The following CALCRL variants were observed in gnomAD, a reference collection of about 807,000 sequenced individuals.
CALCRL encodes calcitonin gene-related peptide type 1 receptor.
A neutral mutation model predicts 60.4 loss-of-function variants in CALCRL; 27 were observed. The observed-to-expected ratio is 0.45, with a 90% confidence interval of 0.33 to 0.62. The LOEUF is 0.62. Among genes scored for constraint, CALCRL ranks in the 20% least tolerant of loss-of-function variants. The pLI is 0.03. For missense variants in CALCRL, 424 were observed against 540.7 expected (o/e 0.78, Z 2.14); for synonymous variants, 190 against 182.6 (o/e 1.04, Z -0.33).
intron 1 of CALCRL, among the ~76,000 whole-genome samples, chr2:187,392,749 G>A (rs1371466328): frequency 1.3e-5 from 2 of 152,132 alleles, no homozygotes; most frequent in East Asian, 3.9e-4. Flanking sequence ...CTCTGCCCCA[G>A]CTGAAGTGCA....
chr2:187,418,202 C>A (rs1689703348), intron 1 of CALCRL, among the ~76,000 whole-genome samples: 1 of 151,954 alleles, frequency 6.6e-6, no homozygotes, highest in African/African-American at 2.4e-5. Context: ...GAATTCTGGT[C>A]ATTAAAAGAA....
rs139432026 is a variant in CALCRL at position 187,378,931 on chromosome 2, T to C, written c.500+9A>G. The C allele has an allele frequency of 2.1e-4, 321 of 1,536,390 alleles. 3 individuals are homozygous for C. In the East Asian group the frequency reaches 6.9e-3, roughly 33 times the overall value. ...AGTAATTTTCTTAAAATATTTTAAA[T>C]TTACTTACTTGAAATAAAAGAATAT... On this transcript the variant is annotated intron_variant, in intron 8 of 14. Coordinates refer to ENST00000392370, the MANE Select transcript of CALCRL (RefSeq NM_005795.6).
intron 12 of CALCRL, among the ~76,000 whole-genome samples, chr2:187,355,000 A>G (rs760975126): frequency 1.3e-5 from 2 of 152,070 alleles, no homozygotes; most frequent in Non-Finnish European, 2.9e-5. Context: ...AGCTCTCCTC[A>G]GAGTAGAAGC....
At chr2:187,377,504 A>G (rs1687807621) in intron 8 of CALCRL, among the ~76,000 whole-genome samples, 1 of 152,150 alleles carries the variant, frequency 6.6e-6, no homozygotes, top group Non-Finnish European at 1.5e-5. Context: ...GGAGGTAGAT[A>G]ATATGAATTT....
At chr2:187,417,179 A>T (rs6708963) in intron 1 of CALCRL, among the ~76,000 whole-genome samples, 2,842 of 152,188 alleles carry the variant, frequency 0.019, 91 homozygotes, top group African/African-American at 0.064. Flanking sequence ...GTTTTTCAAA[A>T]CTAATATATA....
chr2:187,434,055 T>C (rs1574322957), intron 1 of CALCRL, among the ~76,000 whole-genome samples: 1 of 152,114 alleles, frequency 6.6e-6, no homozygotes, highest in Admixed American at 6.5e-5. Context: ...AATTATTCAT[T>C]TTCTTCCTCT....
At chr2:187,444,428 GTGTA>G (rs2105915390) in intron 1 of CALCRL, among the ~76,000 whole-genome samples, 1 of 151,538 alleles carries the variant, frequency 6.6e-6, no homozygotes, top group East Asian at 1.9e-4. Flanking sequence ...AATGGAAAAG[GTGTA>G]TAACACATTT....
At chr2:187,446,835 T>C (rs1211779923) in intron 1 of CALCRL, among the ~76,000 whole-genome samples, 1 of 151,910 alleles carries the variant, frequency 6.6e-6, no homozygotes, top group Non-Finnish European at 1.5e-5. Flanking sequence ...AAAATTGAGT[T>C]GTAAATTACT....
chr2:187,356,871 A>G (rs1399585839), intron 12 of CALCRL, among the ~76,000 whole-genome samples: 1 of 152,242 alleles, frequency 6.6e-6, no homozygotes, highest in Non-Finnish European at 1.5e-5. Context: ...TCAAAAGAAG[A>G]CATTTATGCA....
At chr2:187,447,595 A>C (rs1407892796) in intron 1 of CALCRL, among the ~76,000 whole-genome samples, 1 of 152,122 alleles carries the variant, frequency 6.6e-6, no homozygotes, top group Non-Finnish European at 1.5e-5. Flanking sequence ...CCACAGAGTA[A>C]GTGAGACTCC....
chr2:187,415,340 A>G (rs896271676), intron 1 of CALCRL, among the ~76,000 whole-genome samples: 1 of 152,214 alleles, frequency 6.6e-6, no homozygotes, highest in African/African-American at 2.4e-5. Flanking sequence ...AGCCAAGGCA[A>G]TTCACAAAAT....
chr2:187,352,067 T>C, intron 13 of CALCRL, 47 bp downstream of exon 13: 1 of 1,573,952 alleles, frequency 6.4e-7, no homozygotes, highest in Non-Finnish European at 8.7e-7. Flanking sequence ...TATATGTATA[T>C]TTAATTCCAA....
chr2:187,409,906 A>G (rs1689284262), intron 1 of CALCRL, among the ~76,000 whole-genome samples: 1 of 152,168 alleles, frequency 6.6e-6, no homozygotes, highest in Non-Finnish European at 1.5e-5. Context: ...AAAGGAATGG[A>G]GGGCAGAAGG....
chr2:187,381,543 C>T (rs951065681), intron 5 of CALCRL, among the ~76,000 whole-genome samples: 4 of 150,708 alleles, frequency 2.7e-5, no homozygotes, highest in African/African-American at 9.8e-5. Context: ...GCAACCTCCA[C>T]CTCCCAGGTT....
At chr2:187,380,176 T>G (rs1256872210) in intron 7 of CALCRL, among the ~76,000 whole-genome samples, 1 of 152,204 alleles carries the variant, frequency 6.6e-6, no homozygotes, top group Admixed American at 6.5e-5. Context: ...GATTTTCCTT[T>G]TCTTACACTT....
At chr2:187,419,023 A>ATTT (rs33929530) in intron 1 of CALCRL, among the ~76,000 whole-genome samples, 10 of 85,996 alleles carry the variant, frequency 1.2e-4, no homozygotes, top group African/African-American at 4.3e-4. Flanking sequence ...CGTCTGGCTA[A>ATTT]TTTTTTTTTT....
chr2:187,390,604 T>G (rs898543198), intron 1 of CALCRL, among the ~76,000 whole-genome samples: 1 of 152,160 alleles, frequency 6.6e-6, no homozygotes, highest in Non-Finnish European at 1.5e-5. Context: ...TATCTCTTAG[T>G]GGTAACTAAA....
In CALCRL at chr2:187,342,224, A is replaced by G. The variant is rs1344160259; in HGVS notation, c.*3960T>C. 6.6e-6 allele frequency among the ~76,000 whole-genome samples: 1 copy of G among 151,806 alleles called. No homozygotes were observed. Among genetic ancestry groups the G allele is most frequent in the Non-Finnish European group, 1.5e-5 (1 of 67,750 alleles). ...GACAGAATGTAAATTAGTGATGTTT[A>G]TAGCTGAAATGAAAGTAGAGATAGA... is the stretch of plus-strand genomic sequence containing the variant. On this transcript the variant is annotated 3_prime_UTR_variant, in exon 15 of 15. Coordinates refer to ENST00000392370, the MANE Select transcript of CALCRL (RefSeq NM_005795.6).
At chr2:187,397,163 T>G (rs1398062) in intron 1 of CALCRL, among the ~76,000 whole-genome samples, 1 of 151,612 alleles carries the variant, frequency 6.6e-6, no homozygotes, top group Non-Finnish European at 1.5e-5. Flanking sequence ...TAAATATAAG[T>G]AAGCTTATTA....
Sources: gnomAD v4.1 joint callset for allele counts (sites outside exome capture counted in the v4.1 genomes callset) on GRCh38, gnomAD v4.1.1 for gene constraint, MANE v1.5 for transcripts, NCBI Gene and HGNC (gene_info 2026-07-23, HGNC 2026-07-21) for gene names.